The following SCML4 variants were observed in gnomAD, a reference collection of about 807,000 sequenced individuals.
SCML4 encodes the protein Scm polycomb group protein like 4.
SCML4 carries 34 observed loss-of-function variants against 41.1 expected under a neutral mutation model. The ratio of observed to expected loss-of-function variants is 0.83; its 90% CI spans 0.63 to 1.10. The LOEUF is 1.10. Among genes scored for constraint, SCML4 ranks in the 50% least tolerant of loss-of-function variants. The probability of loss-of-function intolerance (pLI) is 0.00; values close to 1 mark genes in which losing one functional copy is unlikely to be tolerated. For synonymous variants in SCML4, 214 were observed against 220.9 expected (o/e 0.97, Z 0.28); for missense variants, 522 against 534.1 (o/e 0.98, Z 0.22).
rs1226956183 is a variant in SCML4 at position 107,710,140 on chromosome 6, A to ATT, written c.974-2130_974-2129insAA. 4.0e-4 allele frequency among the ~76,000 whole-genome samples: 4 copies of ATT among 9,908 alleles called. 1 individual carries two copies. The highest frequency in any genetic ancestry group is 1.6e-3 in the Admixed American group (1 of 614). 6.5% of individuals were successfully genotyped at this position (9,908 alleles called of 152,430 possible). On this transcript the variant is annotated intron_variant, in intron 6 of 7. Transcript: ENST00000369020. ...GTTAGATTTTTATTTCCTAAGGATG[A>ATT]GAGCTAAGTTTGAGAGCTCTTCCTT... is the stretch of plus-strand genomic sequence containing the variant.
intron 1 of SCML4, among the ~76,000 whole-genome samples, chr6:107,799,023 T>C (rs77013852): frequency 0.011 from 1,721 of 152,284 alleles, 20 homozygotes; most frequent in Non-Finnish European, 0.017. Flanking sequence ...CATGTGCATT[T>C]GAAAAGAAGG....
chr6:107,826,508 A>T (rs1562297273), upstream of SCML4, among the ~76,000 whole-genome samples: 1 of 152,202 alleles, frequency 6.6e-6, no homozygotes, highest in Non-Finnish European at 1.5e-5. Flanking sequence ...TAAAAAAAAT[A>T]ACATTTCTTA....
upstream of SCML4, among the ~76,000 whole-genome samples, chr6:107,827,081 T>TTA (rs1184374148): frequency 4.0e-5 from 6 of 149,284 alleles, no homozygotes; most frequent in African/African-American, 1.2e-4. Context: ...TATATATTTT[T>TTA]TATATATATG....
chr6:107,820,602 C>T (rs566063259), intron 1 of SCML4, among the ~76,000 whole-genome samples: 103 of 152,300 alleles, frequency 6.8e-4, no homozygotes, highest in African/African-American at 2.3e-3. Flanking sequence ...TGACAAACCA[C>T]GGGTGAGAGT....
chr6:107,714,867 C>T (rs1271907856), intron 6 of SCML4, among the ~76,000 whole-genome samples: 2 of 151,608 alleles, frequency 1.3e-5, no homozygotes, highest in Admixed American at 1.3e-4. Flanking sequence ...GCTCACTCCC[C>T]TGTTCAGAAA....
At chr6:107,786,696 T>C (rs1293873219) in intron 1 of SCML4, among the ~76,000 whole-genome samples, 2 of 152,188 alleles carry the variant, frequency 1.3e-5, no homozygotes, top group Non-Finnish European at 2.9e-5. Context: ...GGACGATCAG[T>C]GTCCCAGCCC....
upstream of SCML4, among the ~76,000 whole-genome samples, chr6:107,827,058 G>A (rs1207830004): frequency 4.1e-5 from 6 of 147,304 alleles, no homozygotes; most frequent in South Asian, 2.2e-4. Flanking sequence ...GCGAGACTCC[G>A]TCTCAAAAAA....
At chr6:107,707,832 A>G (rs772662387) in intron 7 of SCML4, 34 bp downstream of exon 7, 1 of 1,551,170 alleles carries the variant, frequency 6.4e-7, no homozygotes, top group Non-Finnish European at 8.7e-7. Flanking sequence ...TGCTCCCTCA[A>G]TCCCCCCCAA....
chr6:107,744,277 T>G (rs1777857167), intron 5 of SCML4, among the ~76,000 whole-genome samples: 1 of 152,174 alleles, frequency 6.6e-6, no homozygotes, highest in Non-Finnish European at 1.5e-5. Context: ...CAACACTGTG[T>G]CATGTATGCC....
intron 5 of SCML4, among the ~76,000 whole-genome samples, chr6:107,728,749 C>T (rs1441501604): frequency 6.6e-6 from 1 of 152,158 alleles, no homozygotes; most frequent in Non-Finnish European, 1.5e-5. Context: ...TCAAGCAATA[C>T]CTTCTACCCA....
At chr6:107,721,784 C>T (rs1775445815) in intron 5 of SCML4, among the ~76,000 whole-genome samples, 1 of 152,122 alleles carries the variant, frequency 6.6e-6, no homozygotes, top group South Asian at 2.1e-4. Flanking sequence ...AGTCCTGATA[C>T]AAACACATGA....
chr6:107,802,221 A>T (rs1783195126), intron 1 of SCML4, among the ~76,000 whole-genome samples: 1 of 152,198 alleles, frequency 6.6e-6, no homozygotes, highest in Non-Finnish European at 1.5e-5. Context: ...ACCAAATGAT[A>T]TGCAGCAAGT....
intron 1 of SCML4, among the ~76,000 whole-genome samples, chr6:107,802,579 G>GAAA (rs1562272821): frequency 2.8e-5 from 2 of 72,480 alleles, no homozygotes; most frequent in African/African-American, 4.1e-5. Context: ...AGGGAGGGAG[G>GAAA]GAGGAAGGAA....
intron 5 of SCML4, among the ~76,000 whole-genome samples, chr6:107,734,147 C>G (rs549889651): frequency 2.7e-4 from 41 of 152,200 alleles, no homozygotes; most frequent in African/African-American, 9.6e-4. Context: ...TTTTTTCAGG[C>G]TTTTTATCTC....
chr6:107,720,192 T>C (rs1775227462), intron 6 of SCML4: 1 of 846,654 alleles, frequency 1.2e-6, no homozygotes, highest in African/African-American at 1.8e-5. Context: ...TCCCTTATGG[T>C]TAAGTGTGGC....
At chr6:107,761,041 T>C (rs1431211496) in intron 2 of SCML4, among the ~76,000 whole-genome samples, 2 of 151,676 alleles carry the variant, frequency 1.3e-5, no homozygotes, top group Non-Finnish European at 2.9e-5. Flanking sequence ...TCAGAAGAAA[T>C]TACCCAGAAA....
chr6:107,778,222 A>AAAAAAAATAT (rs1554218145), intron 1 of SCML4, among the ~76,000 whole-genome samples: 1 of 15,542 alleles, frequency 6.4e-5, no homozygotes. Context: ...AAAAAAAAAA[A>AAAAAAAATAT]ATATATATAT....
At chr6:107,831,425 A>AC in the SCML4 span, among the ~76,000 whole-genome samples, 1 of 151,410 alleles carries the variant, frequency 6.6e-6, no homozygotes, top group Non-Finnish European at 1.5e-5. Context: ...AAAAAAAAAA[A>AC]AAAAAAAACC....
chr6:107,730,391 C>G (rs1776423522), intron 5 of SCML4, among the ~76,000 whole-genome samples: 1 of 152,188 alleles, frequency 6.6e-6, no homozygotes. Context: ...AAGAAGCTGT[C>G]TTGTCACCCT....
Sources: gnomAD v4.1 joint callset for allele counts (sites outside exome capture counted in the v4.1 genomes callset) on GRCh38, gnomAD v4.1.1 for gene constraint, MANE v1.5 for transcripts, NCBI Gene and HGNC (gene_info 2026-07-23, HGNC 2026-07-21) for gene names.